The following DIAPH2 variants were observed in gnomAD, a reference collection of about 807,000 sequenced individuals.
DIAPH2 encodes protein diaphanous homolog 2.
Under a neutral mutation model 92.7 loss-of-function variants are expected in DIAPH2, and 35 were observed. The ratio of observed to expected loss-of-function variants is 0.38; its 90% CI spans 0.29 to 0.50. DIAPH2 has a LOEUF of 0.50. Among genes scored for constraint, DIAPH2 ranks in the 20% least tolerant of loss-of-function variants. The probability of loss-of-function intolerance (pLI) is 0.94; values close to 1 mark genes in which losing one functional copy is unlikely to be tolerated. For missense variants in DIAPH2, 701 were observed against 819.5 expected (o/e 0.86, Z 1.77); for synonymous variants, 301 against 280.4 (o/e 1.07, Z -0.73).
At chrX:97,283,947 A>C (rs965660217) in intron 23 of DIAPH2, among the ~76,000 whole-genome samples, 1 of 112,154 alleles carries the variant, frequency 8.9e-6, no homozygotes, top group African/African-American at 3.2e-5. Context: ...CATCTCAAAA[A>C]AAATAATAAA....
chrX:97,560,740 GC>G (rs1279655055), intron 26 of DIAPH2, among the ~76,000 whole-genome samples: 1 of 112,528 alleles, frequency 8.9e-6, no homozygotes, highest in Non-Finnish European at 1.9e-5. Context: ...TGATCCGCCT[GC>G]CTCGGCCTCC....
intron 15 of DIAPH2, among the ~76,000 whole-genome samples, chrX:96,955,751 T>C (rs1157690287): frequency 3.5e-5 from 4 of 112,719 alleles, no homozygotes; most frequent in Non-Finnish European, 7.5e-5. Context: ...TGATCTCCTT[T>C]GACTCCATGT....
chrX:96,778,293 A>T (rs946052072), intron 4 of DIAPH2, among the ~76,000 whole-genome samples: 1 of 110,920 alleles, frequency 9.0e-6, no homozygotes, highest in African/African-American at 3.3e-5. Flanking sequence ...CTTATTTTAG[A>T]AATGTCAAGC....
At chrX:97,516,511 T>C (rs911473684) in intron 26 of DIAPH2, among the ~76,000 whole-genome samples, 1 of 111,908 alleles carries the variant, frequency 8.9e-6, no homozygotes, top group African/African-American at 3.2e-5. Flanking sequence ...TCACATCACA[T>C]GTTTACATTT....
At chrX:97,400,917 C>T (rs1866674789) in intron 25 of DIAPH2, among the ~76,000 whole-genome samples, 1 of 98,564 alleles carries the variant, frequency 1.0e-5, no homozygotes, top group African/African-American at 3.8e-5. Context: ...TTTTTTTAGA[C>T]AAGGGAGTCT....
At position 97,429,685 on chromosome X, in the gene DIAPH2, G is replaced by A; in HGVS notation, c.3181G>A (p.Glu1061Lys). 8.3e-7 allele frequency: 1 copy of A among 1,209,851 alleles called. No individual in the cohort carries two copies. The highest frequency in any genetic ancestry group is 1.1e-6 in the Non-Finnish European group (1 of 894,996). The change falls in exon 26 of 27, where the codon GAA becomes AAA. Residue 1061 changes from glutamate to lysine, a missense_variant. By Grantham distance (56) the Glu-to-Lys change is moderately conservative (BLOSUM62 1). Transcript: ENST00000324765. ...GACTGGTGTGATGGATAATCTTCTA[G>A]AAGCCCTACAATCAGGTGCAGCATT... is the stretch of plus-strand genomic sequence containing the variant. The part of the protein sequence containing the change: ...DETGVMDNLL[E>K]ALQSGAAFRD...
rs1214876495 is a variant in DIAPH2, at chrX:97,599,829, T to A, written c.*512T>A. On this transcript the variant is annotated 3_prime_UTR_variant, in exon 27 of 27. Coordinates refer to ENST00000324765, the MANE Select transcript of DIAPH2 (RefSeq NM_006729.5). ...TATGCACACTGTAAGAGAAGCCATT[T>A]TGGAAATTCACGAAAGTACTGCTCC... The A allele has an allele frequency of 8.9e-6, 1 of 112,426 alleles. No individual in the cohort carries two copies. The highest frequency in any genetic ancestry group is 2.8e-4 in the East Asian group (1 of 3,593). 9.3% of individuals were successfully genotyped at this position (112,426 alleles called of 1,213,427 possible). A position where few individuals can be genotyped will look rare whatever the true frequency, so the allele number is the denominator to read the frequency against.
chrX:97,242,718 T>C (rs1336517961), intron 22 of DIAPH2, among the ~76,000 whole-genome samples: 1 of 110,786 alleles, frequency 9.0e-6, no homozygotes, highest in African/African-American at 3.3e-5. Context: ...CAGGACTGAC[T>C]AGATAATTTT....
At chrX:97,120,079 A>G (rs919068934) in intron 21 of DIAPH2, among the ~76,000 whole-genome samples, 6 of 111,650 alleles carry the variant, frequency 5.4e-5, no homozygotes, top group African/African-American at 2.0e-4. Context: ...GACCACTTCA[A>G]GTTGTTACAA....
intron 26 of DIAPH2, among the ~76,000 whole-genome samples, chrX:97,533,754 A>G (rs937044479): frequency 2.7e-5 from 3 of 111,859 alleles, no homozygotes; most frequent in Non-Finnish European, 5.6e-5. Context: ...TCTAGCCTTA[A>G]CTACTATTGA....
chrX:97,132,103 T>C (rs1307015181), intron 21 of DIAPH2, among the ~76,000 whole-genome samples: 1 of 112,249 alleles, frequency 8.9e-6, no homozygotes, highest in Non-Finnish European at 1.9e-5. Flanking sequence ...TTTAATGTTG[T>C]TACGGTTTCA....
At chrX:97,396,026 G>C (rs1406615604) in intron 25 of DIAPH2, among the ~76,000 whole-genome samples, 2 of 112,043 alleles carry the variant, frequency 1.8e-5, no homozygotes, top group Non-Finnish European at 3.8e-5. Context: ...TATTAGAGCA[G>C]GTAAGTGAAA....
At chrX:97,476,829 A>G (rs2070607859) in intron 26 of DIAPH2, among the ~76,000 whole-genome samples, 1 of 103,140 alleles carries the variant, frequency 9.7e-6, no homozygotes, top group African/African-American at 3.5e-5. Context: ...CTGTAATCCC[A>G]GCTACTCAGG....
chrX:97,391,208 CAG>C (rs1258233676), intron 25 of DIAPH2, among the ~76,000 whole-genome samples: 1 of 110,796 alleles, frequency 9.0e-6, no homozygotes, highest in Non-Finnish European at 1.9e-5. Flanking sequence ...CTGAGTTTCT[CAG>C]AGAGTGTCTT....
At chrX:97,468,167 C>A (rs770321193) in intron 26 of DIAPH2, among the ~76,000 whole-genome samples, 1 of 112,005 alleles carries the variant, frequency 8.9e-6, no homozygotes, top group African/African-American at 3.2e-5. Flanking sequence ...ATACAAGAGA[C>A]AGCCCTTGTG....
chrX:97,479,070 A>G (rs1488289007), intron 26 of DIAPH2, among the ~76,000 whole-genome samples: 7 of 111,617 alleles, frequency 6.3e-5, no homozygotes, highest in Non-Finnish European at 1.9e-5. Context: ...GAAGTAGGCA[A>G]TTTACCCTTT....
intron 22 of DIAPH2, among the ~76,000 whole-genome samples, chrX:97,142,005 T>C (rs1371569305): frequency 3.6e-5 from 4 of 112,064 alleles, no homozygotes; most frequent in Non-Finnish European, 5.6e-5. Flanking sequence ...TTACCACTGC[T>C]ACGTTATTAA....
rs192301976 is a variant in DIAPH2 at position 97,101,209 on chromosome X, A to T, written c.2349+1414A>T. ...AGAATTCAGCTGTGTCATGATGGTTATGAGTTTTACAGTAGGTATACTACA... is the reference window on the plus strand; with the variant it reads ...AGAATTCAGCTGTGTCATGATGGTTTTGAGTTTTACAGTAGGTATACTACA... On this transcript the variant is annotated intron_variant, in intron 20 of 26. Transcript: ENST00000324765. Among the ~76,000 whole-genome samples the T allele has an allele frequency of 4.1e-4, 45 of 110,492 alleles. 1 individual carries two copies. In the Admixed American group the frequency reaches 4.3e-3, roughly 11 times the overall value.
chrX:97,462,209 G>C lies in DIAPH2; in HGVS notation c.3241+32464G>C, dbSNP rs141357400. On this transcript the variant is annotated intron_variant, in intron 26 of 26. Coordinates refer to ENST00000324765, the MANE Select transcript of DIAPH2 (RefSeq NM_006729.5). ...CTATCTCCTAACATTCGTTACTGTG[G>C]GTGGGGGTGCAACAGGATAAATCTG... is the stretch of plus-strand genomic sequence containing the variant. 3.0e-4 allele frequency among the ~76,000 whole-genome samples: 33 copies of C among 111,634 alleles called. No individual in the cohort carries two copies. The East Asian group carries it at 8.7e-3, about 29-fold the overall frequency.
Sources: gnomAD v4.1 joint callset for allele counts (sites outside exome capture counted in the v4.1 genomes callset) on GRCh38, gnomAD v4.1.1 for gene constraint, MANE v1.5 for transcripts, NCBI Gene and HGNC (gene_info 2026-07-23, HGNC 2026-07-21) for gene names.